Variants in ASF1B observed in about 807,000 individuals in gnomAD.
ASF1B encodes the protein histone chaperone ASF1B.
Under a neutral mutation model 16.6 loss-of-function variants are expected in ASF1B, and 10 were observed. That is an observed-to-expected ratio of 0.60 (90% CI 0.37 to 1.02). ASF1B has a LOEUF of 1.02. ASF1B is among the 50% of genes least tolerant of loss of function. The pLI is 0.01. For missense variants in ASF1B, 240 were observed against 266.0 expected (o/e 0.90, Z 0.68); for synonymous variants, 101 against 106.2 (o/e 0.95, Z 0.30).
chr19:14,136,138 G>A (rs1967493468), intron 1 of ASF1B, among the ~76,000 whole-genome samples: 1 of 151,376 alleles, frequency 6.6e-6, no homozygotes, highest in African/African-American at 2.4e-5. Context: ...CGGGCAGTGG[G>A]GGAGGAGGTC....
chr19:14,136,395 G>T lies in ASF1B; in HGVS notation c.62C>A (p.Pro21His). 1 of 1,613,864 alleles carries T rather than the reference G, an allele frequency of 6.2e-7. No individual in the cohort carries two copies. Among genetic ancestry groups the T allele is most frequent in the Non-Finnish European group, 8.5e-7 (1 of 1,179,806 alleles). The change falls in exon 1 of 4, where the codon CCC (proline) becomes CAC (histidine). Residue 21 changes from proline to histidine, a missense_variant. Coordinates refer to ENST00000263382, the MANE Select transcript of ASF1B (RefSeq NM_018154.3). ...VLENPSPFHSPFRFEISFECS... is the reference protein window; with the variant it reads ...VLENPSPFHSHFRFEISFECS... ...CTCGAAGCTGATCTCGAACCGGAAG[G>T]GGCTGTGGAAAGGGCTCGGGTTCTC...
At chr19:14,128,333 C>A (rs2144515064) in intron 1 of ASF1B, among the ~76,000 whole-genome samples, 1 of 152,294 alleles carries the variant, frequency 6.6e-6, no homozygotes, top group East Asian at 1.9e-4. Context: ...GTCACCTGAG[C>A]CCCATGCCCT....
intron 2 of ASF1B, among the ~76,000 whole-genome samples, chr19:14,123,786 ATTT>A (rs1247010220): frequency 4.6e-5 from 5 of 107,624 alleles, no homozygotes; most frequent in Admixed American, 9.7e-5. Context: ...AAGCGAGCCT[ATTT>A]TTTTTTTTTT....
intron 1 of ASF1B, among the ~76,000 whole-genome samples, chr19:14,133,044 C>T (rs1050582702): frequency 6.6e-5 from 10 of 151,736 alleles, no homozygotes; most frequent in Admixed American, 2.0e-4. Context: ...GGCGTGAACC[C>T]GGGAGGCGGA....
At chr19:14,126,024 C>A in intron 2 of ASF1B, 98 bp downstream of exon 2, 1 of 1,004,170 alleles carries the variant, frequency 1.0e-6, no homozygotes, top group Non-Finnish European at 1.4e-6. Context: ...CCCAGCTGAA[C>A]TTGAACTTTT....
Position 14,120,304 on chromosome 19 carries a change from G to A in ASF1B, c.*155C>T. 1.5e-6 allele frequency: 1 copy of A among 671,260 alleles called. No homozygotes were observed. Among genetic ancestry groups the A allele is most frequent in the Admixed American group, 3.0e-5 (1 of 33,514 alleles). The allele number at this position is 671,260 out of a possible 1,614,324, so 41.6% of individuals were successfully genotyped here. On this transcript the variant is annotated 3_prime_UTR_variant, in exon 4 of 4. Coordinates refer to ENST00000263382, the MANE Select transcript of ASF1B (RefSeq NM_018154.3). ...GAGATCATCCTTCTGGCCAGGACTA[G>A]GGGAGACCCAAGGCCTGTTCTTTCC...
intron 1 of ASF1B, among the ~76,000 whole-genome samples, chr19:14,135,800 G>A (rs905305600): frequency 1.3e-5 from 2 of 151,880 alleles, no homozygotes; most frequent in Non-Finnish European, 2.9e-5. Context: ...TCTCCAGAGG[G>A]AAAATGGGAG....
rs1967212165 is a variant in ASF1B at position 14,120,215 on chromosome 19, A to G, written c.*244T>C. 3 of 496,516 alleles carry G rather than the reference A, an allele frequency of 6.0e-6. No individual in the cohort carries two copies. The highest frequency in any genetic ancestry group is 6.0e-5 in the African/African-American group (3 of 49,942). The allele number at this position is 496,516 out of a possible 1,614,324, so 30.8% of individuals were successfully genotyped here. A position where few individuals can be genotyped will look rare whatever the true frequency, so the allele number is the denominator to read the frequency against. On this transcript the variant is annotated 3_prime_UTR_variant, in exon 4 of 4. Coordinates refer to ENST00000263382, the MANE Select transcript of ASF1B (RefSeq NM_018154.3). Reference sequence around the variant, plus strand: ...CCTTAGTTAGAATTTATGAAGACGAAAAGAACACAAGTCAGAATTTAGAAC... The same window carrying G: ...CCTTAGTTAGAATTTATGAAGACGAGAAGAACACAAGTCAGAATTTAGAAC...
At chr19:14,120,808 CTTAT>C (rs547008412) in intron 3 of ASF1B, 143 bp from the exon 4 acceptor site, 662 of 651,552 alleles carry the variant, frequency 1.0e-3, no homozygotes, top group Admixed American at 3.1e-3. Context: ...TGGCCAGGAC[CTTAT>C]TTATTTATTT....
intron 2 of ASF1B, 124 bp downstream of exon 2, chr19:14,125,998 T>C (rs1334047778): frequency 5.7e-6 from 4 of 704,416 alleles, no homozygotes; most frequent in Non-Finnish European, 9.2e-6. Flanking sequence ...GCTGGGTCTA[T>C]AGGCGTGAGC....
rs966430473 is a variant in ASF1B at position 14,125,319 on chromosome 19, C to T, written c.225+803G>A. 3.9e-5 allele frequency among the ~76,000 whole-genome samples: 6 copies of T among 152,230 alleles called. No homozygotes were observed. In the East Asian group the frequency reaches 9.7e-4, roughly 25 times the overall value. On this transcript the variant is annotated intron_variant, in intron 2 of 3. Transcript: ENST00000263382. ...ACAAGTTTACGTATTAACCAGCTGA[C>T]GAAAATGTGACTTCCAAGAATCTAA...
At position 14,127,333 on chromosome 19, in the gene ASF1B, A is replaced by C. The variant is rs574571370; in HGVS notation, c.110-1096T>G. Among the ~76,000 whole-genome samples, 3 of 152,348 alleles carry C rather than the reference A, an allele frequency of 2.0e-5. No individual in the cohort carries two copies. In the South Asian group the frequency reaches 6.2e-4, roughly 32 times the overall value. On this transcript the variant is annotated intron_variant, in intron 1 of 3. Coordinates refer to ENST00000263382, the MANE Select transcript of ASF1B (RefSeq NM_018154.3). Reference sequence around the variant, plus strand: ...GGCTGAATTAAGAGCCACGTGACACAGACGTGCTGAGAAGGGAACGGCAGG... The same window carrying C: ...GGCTGAATTAAGAGCCACGTGACACCGACGTGCTGAGAAGGGAACGGCAGG...
chr19:14,136,261 G>A (rs1163138613), intron 1 of ASF1B, 87 bp downstream of exon 1: 1 of 1,087,532 alleles, frequency 9.2e-7, no homozygotes, highest in Non-Finnish European at 1.3e-6. Context: ...TTTCATGGGG[G>A]AGATCAAGTT....
rs1411301822 is a variant in ASF1B, at chr19:14,136,564, C to T, written c.-108G>A. On this transcript the variant is annotated 5_prime_UTR_variant, in exon 1 of 4. Coordinates refer to ENST00000263382, the MANE Select transcript of ASF1B (RefSeq NM_018154.3). ...GTAGGGCTGACCAGGTCCACTCCCG[C>T]CTCTTCTCTCCGAGAACTGAAGTGC... is the stretch of plus-strand genomic sequence containing the variant. 1.1e-5 allele frequency: 9 copies of T among 818,668 alleles called. No individual in the cohort carries two copies. The highest frequency in any genetic ancestry group is 1.5e-5 in the Non-Finnish European group (8 of 531,512). The allele number at this position is 818,668 out of a possible 1,614,324, so 50.7% of individuals were successfully genotyped here.
At chr19:14,123,786 A>ATTTTTT (rs1247010220) in intron 2 of ASF1B, among the ~76,000 whole-genome samples, 1 of 107,660 alleles carries the variant, frequency 9.3e-6, no homozygotes. Context: ...AAGCGAGCCT[A>ATTTTTT]TTTTTTTTTT....
intron 3 of ASF1B, 56 bp from the exon 4 acceptor site, chr19:14,120,721 T>C (rs1005234306): frequency 1.6e-4 from 250 of 1,554,168 alleles, no homozygotes; most frequent in Non-Finnish European, 1.1e-4. Context: ...CTTGGTCCCA[T>C]AGAGCCAGGA....
At chr19:14,133,481 A>G (rs2144520683) in intron 1 of ASF1B, among the ~76,000 whole-genome samples, 1 of 152,210 alleles carries the variant, frequency 6.6e-6, no homozygotes, top group South Asian at 2.1e-4. Flanking sequence ...CAGCCTGGCC[A>G]AGATGGTGAA....
In ASF1B at chr19:14,120,175, A is replaced by C; in HGVS notation, c.*284T>G. 1 of 392,046 alleles carries C rather than the reference A, an allele frequency of 2.6e-6. No homozygotes were observed. The highest frequency in any genetic ancestry group is 4.6e-6 in the Non-Finnish European group (1 of 217,208). The allele number at this position is 392,046 out of a possible 1,614,324, so 24.3% of individuals were successfully genotyped here. A position where few individuals can be genotyped will look rare whatever the true frequency, so the allele number is the denominator to read the frequency against. On this transcript the variant is annotated 3_prime_UTR_variant, in exon 4 of 4. Coordinates refer to ENST00000263382, the MANE Select transcript of ASF1B (RefSeq NM_018154.3). Reference sequence around the variant, plus strand: ...TTGGATCAATGGTACTCAAGGGTGCACAGTGGCACAGTGGCCTTAGTTAGA... The same window carrying C: ...TTGGATCAATGGTACTCAAGGGTGCCCAGTGGCACAGTGGCCTTAGTTAGA...
intron 2 of ASF1B, among the ~76,000 whole-genome samples, chr19:14,124,228 G>A (rs1967285032): frequency 6.6e-6 from 1 of 152,034 alleles, no homozygotes; most frequent in Non-Finnish European, 1.5e-5. Context: ...ATCATAGCTC[G>A]CTGTAGCCTC....
Sources: gnomAD v4.1 joint callset for allele counts (sites outside exome capture counted in the v4.1 genomes callset) on GRCh38, gnomAD v4.1.1 for gene constraint, MANE v1.5 for transcripts, NCBI Gene and HGNC (gene_info 2026-07-23, HGNC 2026-07-21) for gene names.